Variants in NKAIN2 observed in about 807,000 individuals in gnomAD.
The protein encoded by NKAIN2 is sodium/potassium-transporting ATPase subunit beta-1-interacting protein 2.
Under a neutral mutation model 32.6 loss-of-function variants are expected in NKAIN2, and 14 were observed. That is an observed-to-expected ratio of 0.43 (90% CI 0.28 to 0.67). NKAIN2 has a LOEUF of 0.67. Among genes scored for constraint, NKAIN2 ranks in the 30% least tolerant of loss-of-function variants. The pLI is 0.17. For synonymous variants in NKAIN2, 80 were observed against 87.2 expected, an observed-to-expected ratio of 0.92 and a Z score of 0.46; for missense variants, 198 against 258.3, an observed-to-expected ratio of 0.77 and a Z score of 1.60.
chr6:124,771,190 G>A (rs144096435), intron 4 of NKAIN2, among the ~76,000 whole-genome samples: 1 of 152,190 alleles, frequency 6.6e-6, no homozygotes, highest in African/African-American at 2.4e-5. Context: ...TAGAGAATCT[G>A]TACCTTTGAA....
intron 3 of NKAIN2, among the ~76,000 whole-genome samples, chr6:124,603,318 A>G (rs906408179): frequency 1.3e-5 from 2 of 151,902 alleles, no homozygotes; most frequent in African/African-American, 4.8e-5. Flanking sequence ...ATATATTCTC[A>G]TATTTCTACT....
At chr6:124,792,016 C>T (rs1779767295) in intron 5 of NKAIN2, among the ~76,000 whole-genome samples, 2 of 152,080 alleles carry the variant, frequency 1.3e-5, no homozygotes, top group African/African-American at 4.8e-5. Flanking sequence ...CTCCCAGTGG[C>T]TCTGTTGTTC....
chr6:124,038,022 A>G (rs1781683469), intron 1 of NKAIN2, among the ~76,000 whole-genome samples: 1 of 152,144 alleles, frequency 6.6e-6, no homozygotes, highest in African/African-American at 2.4e-5. Context: ...TAAGGGTCAT[A>G]TGAATTCCGT....
intron 2 of NKAIN2, among the ~76,000 whole-genome samples, chr6:124,334,237 A>C (rs1797776999): frequency 6.6e-6 from 1 of 152,230 alleles, no homozygotes. Context: ...CCTTGAGCCC[A>C]AAATACCAGT....
chr6:124,409,545 C>T (rs1464595120), intron 3 of NKAIN2, among the ~76,000 whole-genome samples: 1 of 152,066 alleles, frequency 6.6e-6, no homozygotes, highest in Non-Finnish European at 1.5e-5. Context: ...GGATGAAGCC[C>T]ACTTGATCAT....
chr6:123,814,034 T>C (rs10223632), intron 1 of NKAIN2, among the ~76,000 whole-genome samples: 20,039 of 152,070 alleles, frequency 0.13, 2,840 homozygotes, highest in African/African-American at 0.35. Flanking sequence ...TTATAAAATG[T>C]GGTTCCATTT....
intron 1 of NKAIN2, among the ~76,000 whole-genome samples, chr6:124,155,461 T>A (rs1328595627): frequency 1.3e-5 from 2 of 151,710 alleles, no homozygotes; most frequent in African/African-American, 2.4e-5. Context: ...AAGAAAAAAA[T>A]TTAAATGTTG....
chr6:124,223,677 T>C (rs1487229622), intron 1 of NKAIN2, among the ~76,000 whole-genome samples: 2 of 152,230 alleles, frequency 1.3e-5, no homozygotes, highest in African/African-American at 2.4e-5. Flanking sequence ...CTTCATTTTC[T>C]TGATTTGTTT....
chr6:124,370,265 G>A (rs868637819), intron 3 of NKAIN2, among the ~76,000 whole-genome samples: 28 of 151,170 alleles, frequency 1.9e-4, no homozygotes, highest in East Asian at 7.8e-4. Context: ...AAGAAATTTC[G>A]AAATATTTAA....
chr6:123,902,784 A>G (rs1774668414), intron 1 of NKAIN2, among the ~76,000 whole-genome samples: 1 of 152,232 alleles, frequency 6.6e-6, no homozygotes, highest in African/African-American at 2.4e-5. Context: ...TTATAAAAAT[A>G]CGTGATAAAC....
At chr6:124,754,823 A>G (rs1372610152) in intron 4 of NKAIN2, among the ~76,000 whole-genome samples, 1 of 152,180 alleles carries the variant, frequency 6.6e-6, no homozygotes, top group African/African-American at 2.4e-5. Flanking sequence ...TATCAGAAAC[A>G]CACATATACA....
chr6:124,670,973 G>A (rs747917806), intron 4 of NKAIN2, among the ~76,000 whole-genome samples: 7 of 152,074 alleles, frequency 4.6e-5, no homozygotes, highest in Non-Finnish European at 7.4e-5. Context: ...CCAATAGAAA[G>A]AGAAGGGAGC....
At chr6:124,420,454 C>T (rs369658771) in intron 3 of NKAIN2, among the ~76,000 whole-genome samples, 6 of 152,062 alleles carry the variant, frequency 3.9e-5, no homozygotes, top group Non-Finnish European at 8.8e-5. Flanking sequence ...ACACTACCTG[C>T]GTACAAATAC....
chr6:124,003,910 A>G (rs1305447450), intron 1 of NKAIN2, among the ~76,000 whole-genome samples: 1 of 152,234 alleles, frequency 6.6e-6, no homozygotes, highest in Non-Finnish European at 1.5e-5. Flanking sequence ...CCAGATTGCC[A>G]GACTTTAAAG....
chr6:124,485,562 G>T (rs971598789), intron 3 of NKAIN2, among the ~76,000 whole-genome samples: 1 of 151,828 alleles, frequency 6.6e-6, no homozygotes, highest in Non-Finnish European at 1.5e-5. Context: ...TATAACATGC[G>T]TCTCAGCTTA....
At chr6:124,460,111 T>G (rs898653468) in intron 3 of NKAIN2, among the ~76,000 whole-genome samples, 1 of 151,706 alleles carries the variant, frequency 6.6e-6, no homozygotes, top group Non-Finnish European at 1.5e-5. Context: ...AATCACTACA[T>G]TACTACAAAA....
chr6:124,614,226 TCTA>T (rs1181430307), intron 3 of NKAIN2, among the ~76,000 whole-genome samples: 1 of 152,102 alleles, frequency 6.6e-6, no homozygotes, highest in Non-Finnish European at 1.5e-5. Flanking sequence ...AAGCCCCATC[TCTA>T]CTAAAAATAC....
At chr6:124,198,708 C>T (rs1454813506) in intron 1 of NKAIN2, among the ~76,000 whole-genome samples, 1 of 152,008 alleles carries the variant, frequency 6.6e-6, no homozygotes, top group Admixed American at 6.6e-5. Flanking sequence ...TGTGTGTGTT[C>T]CCCACAGCTG....
chr6:124,210,088 C>A (rs1193672130), intron 1 of NKAIN2, among the ~76,000 whole-genome samples: 1 of 151,636 alleles, frequency 6.6e-6, no homozygotes, highest in Non-Finnish European at 1.5e-5. Flanking sequence ...TGAGTTCTTA[C>A]ATTTAAGTCT....
Sources: gnomAD v4.1 joint callset for allele counts (sites outside exome capture counted in the v4.1 genomes callset) on GRCh38, gnomAD v4.1.1 for gene constraint, MANE v1.5 for transcripts, NCBI Gene and HGNC (gene_info 2026-07-23, HGNC 2026-07-21) for gene names.